FAM20B: variants seen among roughly 807,000 people sequenced by gnomAD.
FAM20B encodes the protein glycosaminoglycan xylosylkinase.
Under a neutral mutation model 43.8 loss-of-function variants are expected in FAM20B, and 23 were observed. The ratio of observed to expected loss-of-function variants is 0.53; its 90% confidence interval spans 0.38 to 0.74. FAM20B has a LOEUF of 0.74. Ranked by LOEUF, FAM20B falls within the 30% of genes least tolerant of loss-of-function variation. The pLI is 0.00. For synonymous variants in FAM20B, 178 were observed against 192.4 expected (o/e 0.93, Z 0.62); for missense variants, 440 against 510.5 (o/e 0.86, Z 1.33).
At chr1:179,041,710 A>AGG (rs1196359305) in intron 1 of FAM20B, among the ~76,000 whole-genome samples, 1 of 129,000 alleles carries the variant, frequency 7.8e-6, no homozygotes, top group African/African-American at 3.7e-5. Flanking sequence ...GGGGAGGGAG[A>AGG]CAGGAGACGG....
chr1:179,039,738 T>A (rs1172396649), intron 1 of FAM20B, among the ~76,000 whole-genome samples: 1 of 127,382 alleles, frequency 7.9e-6, no homozygotes, highest in African/African-American at 3.0e-5. Flanking sequence ...TTTATTTATT[T>A]ATTATTTTTT....
intron 1 of FAM20B, among the ~76,000 whole-genome samples, chr1:179,037,736 C>T (rs1557867693): frequency 6.6e-6 from 1 of 151,990 alleles, no homozygotes; most frequent in Non-Finnish European, 1.5e-5. Flanking sequence ...ATCTGCCTGC[C>T]TCGGCCTCCC....
Position 179,066,313 on chromosome 1 carries a change from A to G in FAM20B, c.939-487A>G, listed in dbSNP as rs575015792. Reference sequence around the variant, plus strand: ...TCAGCCTGTGTGAACAGTTTTTCCAATTTGAATCTGTACTTATACTTACTT... The same window carrying G: ...TCAGCCTGTGTGAACAGTTTTTCCAGTTTGAATCTGTACTTATACTTACTT... On this transcript the variant is annotated intron_variant, in intron 6 of 7. Transcript: ENST00000263733. Among the ~76,000 whole-genome samples the G allele has an allele frequency of 3.3e-5, 5 of 152,214 alleles. No homozygotes were observed. The East Asian group carries it at 7.7e-4, about 23-fold the overall frequency.
At chr1:179,045,989 ACTTTTGTATCT>A (rs1650752871) in intron 2 of FAM20B, among the ~76,000 whole-genome samples, 1 of 152,124 alleles carries the variant, frequency 6.6e-6, no homozygotes, top group South Asian at 2.1e-4. Flanking sequence ...TACACTAAGT[ACTTTTGTATCT>A]CTTAATCCTT....
chr1:179,035,810 TTGTGTGTG>T (rs372208617), intron 1 of FAM20B, among the ~76,000 whole-genome samples: 1 of 150,998 alleles, frequency 6.6e-6, no homozygotes, highest in Non-Finnish European at 1.5e-5. Context: ...ATGAGTGTGT[TTGTGTGTG>T]TGTGTGTGTA....
chr1:179,075,513 GA>G lies in FAM20B; in HGVS notation c.*3372del, dbSNP rs1233715982. On this transcript the variant is annotated 3_prime_UTR_variant, in exon 8 of 8. Transcript: ENST00000263733. ...GTAAGGCTGCATTGTGGGTTTGGGG[GA>G]AATGTAAATAATTTTCTGTGTAAAA... is the stretch of plus-strand genomic sequence containing the variant. The G allele has an allele frequency of 6.6e-6, 1 of 152,536 alleles. No individual in the cohort carries two copies. 9.4% of individuals were successfully genotyped at this position (152,536 alleles called of 1,614,324 possible).
chr1:179,051,194 T>G (rs1285481143), intron 3 of FAM20B, among the ~76,000 whole-genome samples: 1 of 152,182 alleles, frequency 6.6e-6, no homozygotes, highest in African/African-American at 2.4e-5. Context: ...AATTCTTTTT[T>G]TTTCTTTTTC....
chr1:179,048,458 C>G (rs542086681), intron 2 of FAM20B, among the ~76,000 whole-genome samples: 24 of 152,332 alleles, frequency 1.6e-4, no homozygotes, highest in Non-Finnish European at 3.2e-4. Flanking sequence ...GCATTTTACT[C>G]TGCGCAGCCT....
chr1:179,045,557 C>T (rs952051587), intron 2 of FAM20B, among the ~76,000 whole-genome samples: 3 of 152,088 alleles, frequency 2.0e-5, no homozygotes, highest in African/African-American at 7.2e-5. Flanking sequence ...AAATATATGT[C>T]AGTGATGTGG....
chr1:179,063,286 T>G (rs1042749747), intron 4 of FAM20B, among the ~76,000 whole-genome samples: 2 of 149,690 alleles, frequency 1.3e-5, no homozygotes, highest in Middle Eastern at 3.3e-3. Context: ...CAAAAAAAAA[T>G]AAAATAGTGA....
At chr1:179,066,930 T>C in intron 7 of FAM20B, 71 bp downstream of exon 7, 1 of 1,134,938 alleles carries the variant, frequency 8.8e-7, no homozygotes, top group Non-Finnish European at 1.3e-6. Flanking sequence ...AGTACATCCA[T>C]TTTCTTGGCC....
At chr1:179,063,117 A>G (rs1651543653) in intron 4 of FAM20B, among the ~76,000 whole-genome samples, 1 of 152,136 alleles carries the variant, frequency 6.6e-6, no homozygotes, top group African/African-American at 2.4e-5. Context: ...TCTCTACTAC[A>G]AATACAAAAA....
At chr1:179,018,553 C>T in the FAM20B span, among the ~76,000 whole-genome samples, 5 of 152,184 alleles carry the variant, frequency 3.3e-5, no homozygotes, top group Non-Finnish European at 5.9e-5. Flanking sequence ...GTGATCCTCC[C>T]GCCTCAGCCT....
chr1:179,035,964 T>C (rs1014456093), intron 1 of FAM20B, among the ~76,000 whole-genome samples: 1 of 152,088 alleles, frequency 6.6e-6, no homozygotes, highest in Non-Finnish European at 1.5e-5. Context: ...ACCCCGTCTC[T>C]ACTAAAAATA....
intron 1 of FAM20B, among the ~76,000 whole-genome samples, chr1:179,039,988 C>A (rs1223961459): frequency 6.6e-6 from 1 of 152,202 alleles, no homozygotes; most frequent in African/African-American, 2.4e-5. Flanking sequence ...TCTTGCACCG[C>A]CCTTAATCCA....
chr1:179,045,892 C>CA (rs751221167), intron 2 of FAM20B, among the ~76,000 whole-genome samples: 244 of 120,790 alleles, frequency 2.0e-3, no homozygotes, highest in East Asian at 4.0e-3. Context: ...AGACCTGTCT[C>CA]AAAAAAAAAA....
In FAM20B at chr1:179,050,309, A is replaced by G; in HGVS notation, c.408A>G (p.Glu136=). 6.2e-7 allele frequency: 1 copy of G among 1,613,952 alleles called. No homozygotes were observed. The highest frequency in any genetic ancestry group is 2.2e-5 in the East Asian group (1 of 44,880). ...RYSRDHVVEG[E]PYAGYDRHNA... ...GCCGAGACCATGTGGTGGAAGGGGA[A>G]CCGTATGCTGGTTATGATAGACACA... Residue 136 remains glutamate (E), a synonymous_variant, in exon 3 of 8, where the codon GAA becomes GAG. Transcript: ENST00000263733.
intron 1 of FAM20B, among the ~76,000 whole-genome samples, chr1:179,027,815 C>G (rs1186063304): frequency 6.6e-6 from 1 of 152,186 alleles, no homozygotes; most frequent in East Asian, 1.9e-4. Flanking sequence ...TGAATGGAAA[C>G]TAGAAAACAC....
rs1445380969 is a variant in FAM20B at position 179,050,269 on chromosome 1, C to T, written c.378-10C>T. 5 of 1,604,682 alleles carry T rather than the reference C, an allele frequency of 3.1e-6. No individual in the cohort carries two copies. In the African/African-American group the frequency reaches 6.7e-5, roughly 21 times the overall value. On this transcript the variant is annotated splice_polypyrimidine_tract_variant and intron_variant, in intron 2 of 7. Transcript: ENST00000263733. ...CACGTATACATCTGTGCTTCCCATT[C>T]ACTTTGCAGGTATAGCCGAGACCAT...
Sources: gnomAD v4.1 joint callset for allele counts (sites outside exome capture counted in the v4.1 genomes callset) on GRCh38, gnomAD v4.1.1 for gene constraint, MANE v1.5 for transcripts, NCBI Gene and HGNC (gene_info 2026-07-23, HGNC 2026-07-21) for gene names.